Variants in TRIM24 observed in about 807,000 individuals in gnomAD.
TRIM24 encodes transcription intermediary factor 1-alpha.
TRIM24 carries 29 observed loss-of-function variants against 123.9 expected under a neutral mutation model. The observed-to-expected ratio is 0.23, with a 90% CI of 0.17 to 0.32. The LOEUF (loss-of-function observed/expected upper bound fraction) is 0.32. Ranked by LOEUF, TRIM24 falls within the 10% of genes least tolerant of loss-of-function variation. The probability of loss-of-function intolerance (pLI) is 1.00; values close to 1 mark genes in which losing one functional copy is unlikely to be tolerated. For missense variants in TRIM24, 932 were observed against 1,295.3 expected (o/e 0.72, Z 4.31); for synonymous variants, 456 against 461.1 (o/e 0.99, Z 0.14).
chr7:138,495,912 G>T (rs1054784041), intron 1 of TRIM24, among the ~76,000 whole-genome samples: 2 of 151,960 alleles, frequency 1.3e-5, no homozygotes, highest in Non-Finnish European at 2.9e-5. Flanking sequence ...TTATATAATC[G>T]ATATGTATAT....
At chr7:138,505,958 C>T (rs1563037532) in intron 2 of TRIM24, among the ~76,000 whole-genome samples, 1 of 152,176 alleles carries the variant, frequency 6.6e-6, no homozygotes, top group African/African-American at 2.4e-5. Context: ...ATTCCTCTAA[C>T]AGTTCCCTTA....
intron 1 of TRIM24, among the ~76,000 whole-genome samples, chr7:138,482,786 A>G (rs1795557968): frequency 6.6e-6 from 1 of 151,974 alleles, no homozygotes; most frequent in Admixed American, 6.6e-5. Context: ...TATTTTTTGT[A>G]GTGATGGTGT....
At chr7:138,551,318 T>C in intron 8 of TRIM24, 138 bp downstream of exon 8, 1 of 758,134 alleles carries the variant, frequency 1.3e-6, no homozygotes, top group Non-Finnish European at 2.3e-6. Context: ...TTGGGATCTC[T>C]CAAGGATCAC....
chr7:138,508,696 C>CGCGT (rs1554436637), intron 2 of TRIM24, among the ~76,000 whole-genome samples: 15 of 33,470 alleles, frequency 4.5e-4, no homozygotes, highest in Admixed American at 1.1e-3. Flanking sequence ...TGTGTGTGCG[C>CGCGT]GCGCGTGTGT....
chr7:138,533,023 T>C (rs1796781990), intron 6 of TRIM24, among the ~76,000 whole-genome samples: 1 of 152,210 alleles, frequency 6.6e-6, no homozygotes, highest in Non-Finnish European at 1.5e-5. Flanking sequence ...TTGTCTGTTA[T>C]TGGTGTATAA....
chr7:138,483,635 T>C (rs987494340), intron 1 of TRIM24, among the ~76,000 whole-genome samples: 1 of 152,194 alleles, frequency 6.6e-6, no homozygotes, highest in Non-Finnish European at 1.5e-5. Flanking sequence ...GCAGATGAAA[T>C]TGACAACAGT....
At chr7:138,464,207 A>G (rs1279303001) in intron 1 of TRIM24, among the ~76,000 whole-genome samples, 4 of 151,608 alleles carry the variant, frequency 2.6e-5, no homozygotes, top group African/African-American at 7.3e-5. Flanking sequence ...CGTGTTAGCC[A>G]GGATGGTCTC....
At chr7:138,541,964 T>C (rs1160215833) in intron 7 of TRIM24, among the ~76,000 whole-genome samples, 3 of 152,240 alleles carry the variant, frequency 2.0e-5, no homozygotes, top group African/African-American at 7.2e-5. Context: ...TTTTGCAGCT[T>C]CCTCACCTCT....
chr7:138,538,922 C>A, intron 7 of TRIM24, 119 bp downstream of exon 7: 5 of 900,876 alleles, frequency 5.6e-6, no homozygotes, highest in African/African-American at 1.7e-5. Flanking sequence ...TTTCTAATAT[C>A]TATCAAAATA....
intron 1 of TRIM24, among the ~76,000 whole-genome samples, chr7:138,489,957 G>A (rs996225964): frequency 2.0e-5 from 3 of 152,148 alleles, no homozygotes; most frequent in Non-Finnish European, 4.4e-5. Context: ...TTCCAGCTTG[G>A]TTCCATTCTC....
At chr7:138,536,194 C>G (rs1796869251) in intron 6 of TRIM24, among the ~76,000 whole-genome samples, 1 of 152,180 alleles carries the variant, frequency 6.6e-6, no homozygotes, top group Admixed American at 6.5e-5. Flanking sequence ...GTTTCATCGT[C>G]TAAAGCCTTC....
intron 2 of TRIM24, among the ~76,000 whole-genome samples, chr7:138,514,101 A>T (rs1053967892): frequency 6.6e-6 from 1 of 152,216 alleles, no homozygotes. Context: ...ATTGAAGATG[A>T]TAAGAGCAGA....
chr7:138,524,775 G>A (rs1029688746), intron 4 of TRIM24, among the ~76,000 whole-genome samples: 21 of 151,950 alleles, frequency 1.4e-4, no homozygotes, highest in African/African-American at 5.1e-4. Context: ...TTATTACAAG[G>A]CATAACATCA....
intron 1 of TRIM24, among the ~76,000 whole-genome samples, chr7:138,472,676 C>A (rs185013998): frequency 2.6e-5 from 4 of 152,234 alleles, no homozygotes; most frequent in Admixed American, 2.6e-4. Context: ...ATAGTGCTAT[C>A]TAGTGCCTTT....
intron 1 of TRIM24, among the ~76,000 whole-genome samples, chr7:138,492,273 CAAAAAAAAAA>C (rs34380067): frequency 7.3e-4 from 44 of 60,010 alleles, no homozygotes; most frequent in Middle Eastern, 0.012. Flanking sequence ...ACTCTGTCTC[CAAAAAAAAAA>C]AAAAAAAAAA....
At chr7:138,512,394 T>C (rs1325255781) in intron 2 of TRIM24, among the ~76,000 whole-genome samples, 1 of 152,158 alleles carries the variant, frequency 6.6e-6, no homozygotes, top group Non-Finnish European at 1.5e-5. Context: ...ACATTTCTCC[T>C]CTGTACTGCG....
intron 9 of TRIM24, among the ~76,000 whole-genome samples, chr7:138,559,007 C>T (rs774097236): frequency 2.6e-5 from 4 of 152,172 alleles, no homozygotes; most frequent in Non-Finnish European, 5.9e-5. Context: ...ATTGCTACCT[C>T]CTGGCAAACA....
At chr7:138,464,155 C>T (rs577131899) in intron 1 of TRIM24, among the ~76,000 whole-genome samples, 77 of 151,454 alleles carry the variant, frequency 5.1e-4, no homozygotes, top group African/African-American at 1.7e-3. Flanking sequence ...CCACCACGCC[C>T]GGCTAATTTT....
chr7:138,543,403 C>A (rs766870597), intron 7 of TRIM24, among the ~76,000 whole-genome samples: 7 of 152,102 alleles, frequency 4.6e-5, no homozygotes, highest in Non-Finnish European at 8.8e-5. Context: ...AGCTGAGGTT[C>A]ATGATTATTT....
Sources: gnomAD v4.1 joint callset for allele counts (sites outside exome capture counted in the v4.1 genomes callset) on GRCh38, gnomAD v4.1.1 for gene constraint, MANE v1.5 for transcripts, NCBI Gene and HGNC (gene_info 2026-07-23, HGNC 2026-07-21) for gene names.